KCNH7: variants seen among roughly 807,000 people sequenced by gnomAD.
KCNH7 encodes voltage-gated inwardly rectifying potassium channel KCNH7.
KCNH7 carries 49 observed loss-of-function variants against 120.8 expected under a neutral mutation model. That is an observed-to-expected ratio of 0.41 (90% CI 0.32 to 0.51). The LOEUF (loss-of-function observed/expected upper bound fraction) is 0.51, where lower values mean the gene tolerates loss of function less well. Ranked by LOEUF, KCNH7 falls within the 20% of genes least tolerant of loss-of-function variation. The pLI, the probability that KCNH7 is intolerant of heterozygous loss-of-function variation, is 0.38. For synonymous variants in KCNH7, 547 were observed against 516.1 expected, an observed-to-expected ratio of 1.06 and a Z score of -0.81; for missense variants, 1,097 against 1,446.6, an observed-to-expected ratio of 0.76 and a Z score of 3.92.
intron 2 of KCNH7, among the ~76,000 whole-genome samples, chr2:162,775,306 T>G (rs1683194836): frequency 6.6e-6 from 1 of 152,234 alleles, no homozygotes; most frequent in African/African-American, 2.4e-5. Flanking sequence ...GTATTATACA[T>G]AATGTATTTG....
chr2:162,421,388 T>C (rs1006304924), intron 9 of KCNH7, among the ~76,000 whole-genome samples: 9 of 152,178 alleles, frequency 5.9e-5, no homozygotes, highest in Non-Finnish European at 1.0e-4. Context: ...GGAAATTGTA[T>C]ATAAATATTG....
intron 2 of KCNH7, among the ~76,000 whole-genome samples, chr2:162,585,718 T>C (rs1694001690): frequency 6.6e-6 from 1 of 151,940 alleles, no homozygotes; most frequent in South Asian, 2.1e-4. Flanking sequence ...TAATTCCCAG[T>C]TTTATATGTC....
At chr2:162,817,605 T>A (rs1420625170) in intron 2 of KCNH7, among the ~76,000 whole-genome samples, 1 of 152,146 alleles carries the variant, frequency 6.6e-6, no homozygotes, top group African/African-American at 2.4e-5. Context: ...CTGGGCCATA[T>A]AGATGTATAT....
intron 9 of KCNH7, among the ~76,000 whole-genome samples, chr2:162,422,702 G>A (rs1176752126): frequency 2.6e-5 from 4 of 152,052 alleles, no homozygotes; most frequent in Non-Finnish European, 4.4e-5. Context: ...TGCTGATGCT[G>A]AATTTGCTTA....
chr2:162,429,085 G>T (rs377623452), intron 8 of KCNH7, among the ~76,000 whole-genome samples: 2 of 151,508 alleles, frequency 1.3e-5, no homozygotes, highest in African/African-American at 4.8e-5. Flanking sequence ...TTTTACATTT[G>T]TTATTTTGTT....
chr2:162,499,782 C>T (rs1220127238), intron 6 of KCNH7, among the ~76,000 whole-genome samples: 1 of 152,126 alleles, frequency 6.6e-6, no homozygotes, highest in Admixed American at 6.6e-5. Context: ...ACTGGTCATA[C>T]AAACACCTCA....
chr2:162,597,607 A>G (rs1323210542), intron 2 of KCNH7, among the ~76,000 whole-genome samples: 1 of 152,076 alleles, frequency 6.6e-6, no homozygotes, highest in Non-Finnish European at 1.5e-5. Context: ...GTTAGGAGGA[A>G]TAAATTCTGG....
intron 12 of KCNH7, among the ~76,000 whole-genome samples, chr2:162,387,022 A>C (rs1686593785): frequency 6.6e-6 from 1 of 151,532 alleles, no homozygotes; most frequent in Admixed American, 6.6e-5. Flanking sequence ...TCATATACAT[A>C]GGACAGAATT....
At chr2:162,761,678 T>C (rs16847250) in intron 2 of KCNH7, among the ~76,000 whole-genome samples, 9,971 of 152,158 alleles carry the variant, frequency 0.066, 431 homozygotes, top group African/African-American at 0.12. Flanking sequence ...AGTGCTCTTA[T>C]CTAAGTCAGG....
intron 2 of KCNH7, among the ~76,000 whole-genome samples, chr2:162,562,106 T>C (rs1226080653): frequency 1.3e-5 from 2 of 152,070 alleles, no homozygotes; most frequent in Non-Finnish European, 2.9e-5. Context: ...AAATACCTAA[T>C]GAAGATGACG....
intron 6 of KCNH7, among the ~76,000 whole-genome samples, chr2:162,484,555 C>T (rs534197206): frequency 6.6e-5 from 10 of 152,214 alleles, no homozygotes; most frequent in African/African-American, 2.4e-4. Flanking sequence ...ATACAATGTG[C>T]AACAATTCAT....
Position 162,830,628 on chromosome 2 carries a change from A to T in KCNH7, c.307+5909T>A, listed in dbSNP as rs114832055. 7.2e-3 allele frequency among the ~76,000 whole-genome samples: 1,095 copies of T among 152,330 alleles called. 2 individuals carry two copies. Among genetic ancestry groups the T allele is most frequent in the Non-Finnish European group, 0.011 (774 of 68,030 alleles). On this transcript the variant is annotated intron_variant, in intron 2 of 15. Coordinates refer to ENST00000332142, the MANE Select transcript of KCNH7 (RefSeq NM_033272.4). ...TGAATGTAGTGTTCCTTCAACATTC[A>T]TACATTCGAACTTCAACCCCAACAT... is the stretch of plus-strand genomic sequence containing the variant.
At chr2:162,429,005 T>C (rs558075624) in intron 8 of KCNH7, among the ~76,000 whole-genome samples, 1 of 151,880 alleles carries the variant, frequency 6.6e-6, no homozygotes, top group Non-Finnish European at 1.5e-5. Context: ...ATTATTGATA[T>C]ATTTGGGTTT....
intron 2 of KCNH7, among the ~76,000 whole-genome samples, chr2:162,687,698 C>T (rs1421781129): frequency 6.6e-6 from 1 of 152,102 alleles, no homozygotes; most frequent in Non-Finnish European, 1.5e-5. Context: ...TAGCACACCA[C>T]TGGTAAAGAC....
intron 14 of KCNH7, among the ~76,000 whole-genome samples, chr2:162,378,091 G>A (rs1686278105): frequency 6.6e-6 from 1 of 152,152 alleles, no homozygotes; most frequent in South Asian, 2.1e-4. Flanking sequence ...CGTAGAGTAG[G>A]AGAATATACT....
intron 6 of KCNH7, among the ~76,000 whole-genome samples, chr2:162,485,813 C>T (rs1690076221): frequency 6.6e-6 from 1 of 152,118 alleles, no homozygotes; most frequent in South Asian, 2.1e-4. Flanking sequence ...GCTTATCACC[C>T]CGAAACAGGA....
At position 162,687,222 on chromosome 2, in the gene KCNH7, C is replaced by T. The variant is rs530511305; in HGVS notation, c.307+149315G>A. 7.2e-5 allele frequency among the ~76,000 whole-genome samples: 11 copies of T among 152,184 alleles called. No homozygotes were observed. In the South Asian group the frequency reaches 1.7e-3, roughly 23 times the overall value. On this transcript the variant is annotated intron_variant, in intron 2 of 15. Transcript: ENST00000332142. Reference sequence around the variant, plus strand: ...TTCACAACCTTGACGATTTGCGTTGCCATGTAGTCATGGAGAAAATGTGCT... The same window carrying T: ...TTCACAACCTTGACGATTTGCGTTGTCATGTAGTCATGGAGAAAATGTGCT...
At chr2:162,430,949 T>C (rs1008355140) in intron 8 of KCNH7, among the ~76,000 whole-genome samples, 10 of 151,984 alleles carry the variant, frequency 6.6e-5, no homozygotes, top group Admixed American at 6.6e-4. Flanking sequence ...GCATCACTTA[T>C]ATTTACAATT....
intron 2 of KCNH7, among the ~76,000 whole-genome samples, chr2:162,745,695 C>G (rs1183163667): frequency 3.3e-5 from 5 of 151,888 alleles, no homozygotes; most frequent in African/African-American, 1.2e-4. Context: ...CCACTTTCTA[C>G]TTTTGAAGTG....
Sources: gnomAD v4.1 joint callset for allele counts (sites outside exome capture counted in the v4.1 genomes callset) on GRCh38, gnomAD v4.1.1 for gene constraint, MANE v1.5 for transcripts, NCBI Gene and HGNC (gene_info 2026-07-23, HGNC 2026-07-21) for gene names.